The following ZNF69 variants were observed in gnomAD, a reference collection of about 807,000 sequenced individuals.
The protein encoded by ZNF69 is ZNF3.
In ZNF69, 47 loss-of-function variants were observed where a neutral mutation model predicts 50.9. That is an observed-to-expected ratio of 0.92 (90% CI 0.73 to 1.18). The LOEUF (loss-of-function observed/expected upper bound fraction) is 1.18. ZNF69 is among the 50% of genes most tolerant of loss of function. The pLI, the probability that ZNF69 is intolerant of heterozygous loss-of-function variation, is 0.00. For synonymous variants in ZNF69, 216 were observed against 223.1 expected, an observed-to-expected ratio of 0.97 and a Z score of 0.29; for missense variants, 717 against 675.1, an observed-to-expected ratio of 1.06 and a Z score of -0.69.
chr19:11,950,713 T>G, the ZNF69 span: 1 of 211,132 alleles, frequency 4.7e-6, no homozygotes, highest in South Asian at 6.9e-5. Context: ...AACATGTTAT[T>G]CTTTTTAAAT....
At chr19:11,891,559 G>A (rs563211700) in intron 1 of ZNF69, among the ~76,000 whole-genome samples, 1 of 152,130 alleles carries the variant, frequency 6.6e-6, no homozygotes, top group Non-Finnish European at 1.5e-5. Context: ...TCTATGTAAA[G>A]ACTAAACTAA....
chr19:11,967,435 C>G, the ZNF69 span, among the ~76,000 whole-genome samples: 1 of 151,898 alleles, frequency 6.6e-6, no homozygotes, highest in Non-Finnish European at 1.5e-5. Context: ...GACGGAGTCT[C>G]GCTCTGTTGC....
the ZNF69 span, among the ~76,000 whole-genome samples, chr19:11,970,770 G>A: frequency 6.6e-6 from 1 of 151,980 alleles, no homozygotes; most frequent in East Asian, 1.9e-4. Context: ...CATCTGTACT[G>A]AAAATACAGC....
chr19:11,978,035 A>G, the ZNF69 span: 1 of 1,526,152 alleles, frequency 6.6e-7, no homozygotes, highest in Non-Finnish European at 8.9e-7. Context: ...TTGATGGACC[A>G]TGTTAAAAAT....
At chr19:11,979,120 T>C in the ZNF69 span, 1 of 1,613,408 alleles carries the variant, frequency 6.2e-7, no homozygotes, top group South Asian at 1.1e-5. Flanking sequence ...ATGTTAGATA[T>C]GTGGGAAAGG....
At chr19:11,940,336 G>A in the ZNF69 span, among the ~76,000 whole-genome samples, 2 of 152,202 alleles carry the variant, frequency 1.3e-5, no homozygotes, top group Non-Finnish European at 2.9e-5. Flanking sequence ...CCCTTGCGGT[G>A]AGTGTTACAG....
the ZNF69 span, chr19:11,950,399 A>G: frequency 1.2e-6 from 1 of 865,058 alleles, no homozygotes. Context: ...CAATGTAAGC[A>G]GTGTGGGAAA....
intron 1 of ZNF69, among the ~76,000 whole-genome samples, chr19:11,899,528 G>C (rs908224073): frequency 1.2e-4 from 18 of 152,128 alleles, no homozygotes; most frequent in Non-Finnish European, 2.6e-4. Flanking sequence ...AGCCTGGTGT[G>C]ATGCCTCATC....
chr19:11,949,780 C>G, the ZNF69 span: 1 of 1,613,356 alleles, frequency 6.2e-7, no homozygotes, highest in South Asian at 1.1e-5. Flanking sequence ...TGAAAGGACT[C>G]ACACTGGAGA....
chr19:11,978,415 G>A, the ZNF69 span: 34 of 1,614,110 alleles, frequency 2.1e-5, no homozygotes, highest in Middle Eastern at 6.6e-4. Context: ...ACACAAGAAA[G>A]GAATCACACC....
chr19:11,918,068 G>A (rs1177551173), downstream of ZNF69, among the ~76,000 whole-genome samples: 1 of 152,136 alleles, frequency 6.6e-6, no homozygotes, highest in East Asian at 1.9e-4. Flanking sequence ...TTACAGGCAT[G>A]AGCCACCATG....
At chr19:11,961,318 G>A in the ZNF69 span, among the ~76,000 whole-genome samples, 1,088 of 152,254 alleles carry the variant, frequency 7.1e-3, 9 homozygotes, top group South Asian at 0.02. Flanking sequence ...CCTTCACTAG[G>A]AACAAAATTG....
chr19:11,913,394 T>G, intron 4 of ZNF69: 1 of 344,134 alleles, frequency 2.9e-6, no homozygotes, highest in South Asian at 3.4e-5. Flanking sequence ...TTTTCTTATC[T>G]TTTTTTTTTT....
downstream of ZNF69, among the ~76,000 whole-genome samples, chr19:11,911,527 C>T (rs1972457712): frequency 6.6e-6 from 1 of 152,106 alleles, no homozygotes; most frequent in African/African-American, 2.4e-5. Context: ...TTTGTAGGGA[C>T]ATGGATGAAG....
At chr19:11,923,043 C>G in the ZNF69 span, among the ~76,000 whole-genome samples, 1 of 152,154 alleles carries the variant, frequency 6.6e-6, no homozygotes, top group South Asian at 2.1e-4. Context: ...TCTTCAACTT[C>G]GGGCTTCAAG....
At chr19:11,964,282 C>T in the ZNF69 span, among the ~76,000 whole-genome samples, 157 of 152,268 alleles carry the variant, frequency 1.0e-3, 2 homozygotes, top group African/African-American at 3.6e-3. Flanking sequence ...GGGTTCTGTC[C>T]TTTCTGGTGT....
chr19:11,979,842 G>A, the ZNF69 span: 29 of 1,531,004 alleles, frequency 1.9e-5, no homozygotes, highest in East Asian at 2.3e-5. Flanking sequence ...AAGAACCTTC[G>A]AATTCATGAA....
the ZNF69 span, chr19:11,979,028 T>C: frequency 6.2e-7 from 1 of 1,614,196 alleles, no homozygotes; most frequent in Admixed American, 1.7e-5. Flanking sequence ...AAAAACCTTA[T>C]GAATGTAAGC....
chr19:11,915,210 GA>G (rs971017859), downstream of ZNF69, among the ~76,000 whole-genome samples: 7 of 151,970 alleles, frequency 4.6e-5, no homozygotes, highest in Non-Finnish European at 8.8e-5. Flanking sequence ...GTCTCCAGAA[GA>G]AAAAAAGAAA....
Sources: gnomAD v4.1 joint callset for allele counts (sites outside exome capture counted in the v4.1 genomes callset) on GRCh38, gnomAD v4.1.1 for gene constraint, MANE v1.5 for transcripts, NCBI Gene and HGNC (gene_info 2026-07-23, HGNC 2026-07-21) for gene names.